TMEM143: variants seen among roughly 807,000 people sequenced by gnomAD.
TMEM143 encodes the protein transmembrane protein 143.
Under a neutral mutation model 40.3 loss-of-function variants are expected in TMEM143, and 45 were observed. That is an observed-to-expected ratio of 1.12 (90% confidence interval 0.88 to 1.43). The LOEUF is 1.43. Ranked by LOEUF, TMEM143 falls within the 40% of genes most tolerant of loss-of-function variation. The probability of loss-of-function intolerance (pLI) is 0.00; values close to 1 mark genes in which losing one functional copy is unlikely to be tolerated. For missense variants in TMEM143, 620 were observed against 613.4 expected (o/e 1.01, Z -0.11); for synonymous variants, 299 against 282.7 (o/e 1.06, Z -0.58).
At chr19:48,351,096 G>T (rs182373183) in intron 3 of TMEM143, among the ~76,000 whole-genome samples, 1 of 151,830 alleles carries the variant, frequency 6.6e-6, no homozygotes, top group Non-Finnish European at 1.5e-5. Context: ...AGATTCACAC[G>T]GCTGGGCGTC....
chr19:48,349,518 G>A (rs927266656), intron 3 of TMEM143, among the ~76,000 whole-genome samples: 1 of 152,018 alleles, frequency 6.6e-6, no homozygotes, highest in Non-Finnish European at 1.5e-5. Context: ...GGTGGCGGGC[G>A]CCTGTAATCC....
intron 3 of TMEM143, among the ~76,000 whole-genome samples, chr19:48,348,822 T>C (rs147764819): frequency 1.4e-4 from 21 of 152,276 alleles, no homozygotes; most frequent in African/African-American, 4.3e-4. Context: ...CACTTCCTAG[T>C]AGGGCCTGCA....
At chr19:48,356,905 T>G (rs1367905587) in intron 3 of TMEM143, among the ~76,000 whole-genome samples, 5 of 120,352 alleles carry the variant, frequency 4.2e-5, no homozygotes, top group Non-Finnish European at 8.8e-5. Context: ...TTTTTTTTTT[T>G]TTTTTTTTTT....
At chr19:48,355,520 G>A (rs1470029793) in intron 3 of TMEM143, among the ~76,000 whole-genome samples, 1 of 152,136 alleles carries the variant, frequency 6.6e-6, no homozygotes, top group African/African-American at 2.4e-5. Context: ...ATGGGCTGAT[G>A]GCGGCTGTCT....
At chr19:48,341,870 ACGAGC>A (rs1969494641) in intron 6 of TMEM143, among the ~76,000 whole-genome samples, 1 of 152,016 alleles carries the variant, frequency 6.6e-6, no homozygotes, top group African/African-American at 2.4e-5. Context: ...AGCCCCTACC[ACGAGC>A]CGAGCACTGC....
chr19:48,357,349 C>CTTTTTTTT (rs1195099137), intron 3 of TMEM143, among the ~76,000 whole-genome samples: 6 of 74,826 alleles, frequency 8.0e-5, no homozygotes, highest in Non-Finnish European at 1.5e-4. Flanking sequence ...GTCTATCTTT[C>CTTTTTTTT]TTTTTTTTTT....
In TMEM143 at chr19:48,333,933, G is replaced by T; in HGVS notation, c.1165+75C>A. ...AGGTTCACCCGTGGGAACTGGGGGT[G>T]GGGACGCATCTCGCTGGGGCGGGGC... On this transcript the variant is annotated intron_variant, in intron 7 of 7. Transcript: ENST00000293261. This position sits in a 1 kb window ranked among gnomAD's most constrained non-coding sequence, Gnocchi z 4.1. The T allele has an allele frequency of 7.1e-7, 1 of 1,413,128 alleles. No individual in the cohort carries two copies. The highest frequency in any genetic ancestry group is 9.3e-7 in the Non-Finnish European group (1 of 1,070,532). The allele number at this position is 1,413,128 out of a possible 1,614,324, so 87.5% of individuals were successfully genotyped here.
chr19:48,362,044 G>T (rs930929350), intron 2 of TMEM143, among the ~76,000 whole-genome samples: 15 of 152,044 alleles, frequency 9.9e-5, no homozygotes, highest in African/African-American at 3.6e-4. Flanking sequence ...GTACTTTTGT[G>T]TGCATATATT....
At chr19:48,352,052 C>T (rs1270480693) in intron 3 of TMEM143, among the ~76,000 whole-genome samples, 2 of 151,320 alleles carry the variant, frequency 1.3e-5, no homozygotes, top group Non-Finnish European at 2.9e-5. Context: ...TCAAGACCAT[C>T]CTGGCTAACA....
At chr19:48,338,707 G>A (rs1004323526) in intron 6 of TMEM143, among the ~76,000 whole-genome samples, 2 of 152,190 alleles carry the variant, frequency 1.3e-5, no homozygotes, top group African/African-American at 2.4e-5. Context: ...GGGCAGGATC[G>A]GGCTGCTGCA....
intron 6 of TMEM143, among the ~76,000 whole-genome samples, chr19:48,339,853 C>G (rs1054466738): frequency 3.3e-5 from 5 of 151,434 alleles, no homozygotes; most frequent in African/African-American, 1.2e-4. Flanking sequence ...CTCAGCCTCT[C>G]AAGTAGCTGG....
chr19:48,334,532 TTTTCTTTTCTTTC>T (rs1315755225), intron 6 of TMEM143, among the ~76,000 whole-genome samples: 1 of 148,848 alleles, frequency 6.7e-6, no homozygotes, highest in Non-Finnish European at 1.5e-5. Flanking sequence ...TCTTTCTTTC[TTTTCTTTTCTTTC>T]TTTCTTTTTC....
chr19:48,338,081 G>A (rs2147357717), intron 6 of TMEM143, among the ~76,000 whole-genome samples: 1 of 152,146 alleles, frequency 6.6e-6, no homozygotes, highest in East Asian at 1.9e-4. Flanking sequence ...TCCTACCCTG[G>A]GGTCTATGTC....
Position 48,363,306 on chromosome 19 carries a change from G to A in TMEM143, c.249C>T (p.Leu83=), listed in dbSNP as rs762128948. ...RFIPFSKEQL[L]RLLIQEFHSS... ...CAGGCGGTACCTGTATTAGGAGGCG[G>A]AGCAGCTGCTCCTTGGAGAAGGGAA... Residue 83 remains leucine (L), a synonymous_variant, in exon 2 of 8, where the codon CTC becomes CTT. Transcript: ENST00000293261. 12 of 1,613,870 alleles carry A rather than the reference G, an allele frequency of 7.4e-6. No homozygotes were observed. The highest frequency in any genetic ancestry group is 1.0e-5 in the Non-Finnish European group (12 of 1,179,954).
intron 3 of TMEM143, among the ~76,000 whole-genome samples, chr19:48,356,074 G>A (rs1969884062): frequency 1.3e-5 from 2 of 151,952 alleles, no homozygotes; most frequent in African/African-American, 2.4e-5. Flanking sequence ...GGACGCTCAC[G>A]CCTGGTCTGT....
chr19:48,346,956 C>T (rs1969649445), intron 3 of TMEM143, among the ~76,000 whole-genome samples: 1 of 152,130 alleles, frequency 6.6e-6, no homozygotes, highest in Non-Finnish European at 1.5e-5. Flanking sequence ...TCCCACAATC[C>T]ACCCCTCCAA....
chr19:48,347,010 G>A (rs1969650345), intron 3 of TMEM143, among the ~76,000 whole-genome samples: 1 of 152,112 alleles, frequency 6.6e-6, no homozygotes, highest in South Asian at 2.1e-4. Flanking sequence ...AGCTTTCCGT[G>A]ATGTTCAAGT....
At chr19:48,342,856 C>G in intron 5 of TMEM143, 47 bp from the exon 6 acceptor site, 6 of 1,540,874 alleles carry the variant, frequency 3.9e-6, no homozygotes, top group Non-Finnish European at 5.3e-6. Flanking sequence ...ACTGCACTGC[C>G]CGGGGAGCCC....
At position 48,363,324 on chromosome 19, in the gene TMEM143, GA is replaced by G. The variant is rs1397573560; in HGVS notation, c.230del (p.Phe77SerfsTer10). 33 of 1,614,066 alleles carry G rather than the reference GA, an allele frequency of 2.0e-5. No individual in the cohort carries two copies. The highest frequency in any genetic ancestry group is 2.7e-5 in the Non-Finnish European group (32 of 1,180,028). On this transcript the variant is annotated frameshift_variant, in exon 2 of 8. Coordinates refer to ENST00000293261, the MANE Select transcript of TMEM143 (RefSeq NM_018273.4). LOFTEE classifies it high-confidence loss of function. ...AQQYRERFIP[F>X]SKEQLLRLLI... ...GGAGGCGGAGCAGCTGCTCCTTGGA[GA>G]AGGGAATGAAGCGCTCGCGGTACTG...
Sources: allele counts gnomAD v4.1 joint callset (sites outside exome capture counted in the v4.1 genomes callset), GRCh38; gene constraint gnomAD v4.1.1; non-coding constraint Gnocchi (gnomAD v3.1); transcripts MANE v1.5; gene names NCBI Gene and HGNC (gene_info 2026-07-23, HGNC 2026-07-21).